Variants in ZNF888 observed in about 807,000 individuals in gnomAD.
The protein encoded by ZNF888 is zinc finger protein 888.
Under a neutral mutation model 7.2 loss-of-function variants are expected in ZNF888, and 5 were observed. That is an observed-to-expected ratio of 0.70 (90% CI 0.36 to 1.46). The LOEUF (loss-of-function observed/expected upper bound fraction) is 1.46, where lower values mean the gene tolerates loss of function less well. Ranked by LOEUF, ZNF888 falls within the 40% of genes most tolerant of loss-of-function variation. ZNF888 has a pLI of 0.03. For synonymous variants in ZNF888, 240 were observed against 284.3 expected, an observed-to-expected ratio of 0.84 and a Z score of 1.57; for missense variants, 716 against 858.0, an observed-to-expected ratio of 0.83 and a Z score of 2.07.
intron 1 of ZNF888, among the ~76,000 whole-genome samples, chr19:52,922,868 G>A (rs767024095): frequency 5.9e-5 from 9 of 152,008 alleles, no homozygotes; most frequent in African/African-American, 9.7e-5. Flanking sequence ...CGGTGACTGC[G>A]GAGGGGAGAC....
rs1284825632 is a variant in ZNF888 at position 52,906,745 on chromosome 19, T to G, written c.1577A>C (p.Glu526Ala). ...HTGEKPYKCN[E>A]CGKTFVQNSS... is the part of the protein sequence containing the mutation. ...ATTTTGAACGAAGGTCTTGCCACACTCATTACACTTGTAAGGTTTCTCTCC... is the reference window on the plus strand; with the variant it reads ...ATTTTGAACGAAGGTCTTGCCACACGCATTACACTTGTAAGGTTTCTCTCC... The change falls in exon 5 of 5, where the codon GAG becomes GCG. Residue 526 changes from glutamate (E) to alanine (A), a missense_variant. By Grantham distance (107) the Glu-to-Ala change is moderately radical (BLOSUM62 -1). Coordinates refer to ENST00000638862, the MANE Select transcript of ZNF888 (RefSeq NM_001393938.1). The G allele has an allele frequency of 6.2e-7, 1 of 1,613,218 alleles. No homozygotes were observed. Among genetic ancestry groups the G allele is most frequent in the Non-Finnish European group, 8.5e-7 (1 of 1,179,392 alleles).
intron 4 of ZNF888, among the ~76,000 whole-genome samples, chr19:52,909,238 A>T (rs978307981): frequency 3.3e-5 from 5 of 151,152 alleles, no homozygotes; most frequent in African/African-American, 9.8e-5. Context: ...TAACTTTTTA[A>T]AAAAAATTTT....
rs1490480987 is a variant in ZNF888 at position 52,905,060 on chromosome 19, G to T, written c.*1105C>A. On this transcript the variant is annotated 3_prime_UTR_variant, in exon 5 of 5. Transcript: ENST00000638862. ...GAAATCTATAAATGTTGATCAAAAT[G>T]ATTAAAAACATACATAGAGATACAA... The T allele has an allele frequency of 6.6e-6, 1 of 152,414 alleles. No individual in the cohort carries two copies. The highest frequency in any genetic ancestry group is 6.5e-5 in the Admixed American group (1 of 15,270). The allele number at this position is 152,414 out of a possible 1,614,324, so 9.4% of individuals were successfully genotyped here. A position where few individuals can be genotyped will look rare whatever the true frequency, so the allele number is the denominator to read the frequency against.
At chr19:52,913,670 T>C in intron 4 of ZNF888, 1 of 951,956 alleles carries the variant, frequency 1.1e-6, no homozygotes, top group Non-Finnish European at 1.2e-6. Flanking sequence ...AAGTTTAAGA[T>C]GTTTAACATA....
chr19:52,911,177 C>T (rs954398977), intron 4 of ZNF888, among the ~76,000 whole-genome samples: 4 of 151,790 alleles, frequency 2.6e-5, no homozygotes, highest in Non-Finnish European at 5.9e-5. Flanking sequence ...TTGCACCTGG[C>T]CCATTTTTGG....
Position 52,906,671 on chromosome 19 carries a change from T to C in ZNF888, c.1651A>G (p.Lys551Glu). 6.2e-7 allele frequency: 1 copy of C among 1,613,860 alleles called. No individual in the cohort carries two copies. Among genetic ancestry groups the C allele is most frequent in the Non-Finnish European group, 8.5e-7 (1 of 1,179,820 alleles). ...AAACTTTTGCCACATTCATTACACT[T>C]GTAACGTTTCTCTCCAGTATGAATG... ...KVIHTGEKRYKCNECGKSFNH... is the reference protein window; with the variant it reads ...KVIHTGEKRYECNECGKSFNH... The change falls in exon 5 of 5, where the codon AAG becomes GAG. Residue 551 changes from lysine to glutamate, a missense_variant. Lys to Glu is a moderately conservative substitution (Grantham distance 56). This residue lies in a region of ZNF888 where 697 missense variants were observed against 803.4 expected (regional missense o/e 0.87). Transcript: ENST00000638862.
chr19:52,911,825 T>A (rs144513571), intron 4 of ZNF888, among the ~76,000 whole-genome samples: 1 of 151,948 alleles, frequency 6.6e-6, no homozygotes, highest in African/African-American at 2.4e-5. Flanking sequence ...TTATTTATTT[T>A]TATTTTTTTA....
intron 4 of ZNF888, among the ~76,000 whole-genome samples, chr19:52,910,654 A>G (rs1290398299): frequency 1.3e-5 from 2 of 152,212 alleles, no homozygotes; most frequent in South Asian, 2.1e-4. Flanking sequence ...TCTTTCCACC[A>G]TGTTAGGACA....
At chr19:52,921,752 A>G in intron 1 of ZNF888, 1 of 531,450 alleles carries the variant, frequency 1.9e-6, no homozygotes, top group African/African-American at 2.1e-5. Flanking sequence ...ACATGGAGGA[A>G]CCCCGTTTCT....
At chr19:52,913,055 C>A (rs1353889623) in intron 4 of ZNF888, among the ~76,000 whole-genome samples, 1 of 152,044 alleles carries the variant, frequency 6.6e-6, no homozygotes. Context: ...TGTAGTGAGC[C>A]AAGATCGCAA....
chr19:52,922,697 G>A (rs1023616881), intron 1 of ZNF888, among the ~76,000 whole-genome samples: 8 of 151,990 alleles, frequency 5.3e-5, no homozygotes, highest in Non-Finnish European at 1.5e-5. Context: ...CCCTCTCTCT[G>A]TCTCCTGATC....
At chr19:52,920,525 AAG>A (rs2064813901) in intron 1 of ZNF888, among the ~76,000 whole-genome samples, 2 of 41,030 alleles carry the variant, frequency 4.9e-5, no homozygotes, top group African/African-American at 9.7e-5. Context: ...AAGAAAAAAA[AAG>A]AAAAGGAAAA....
Position 52,917,893 on chromosome 19 carries a change from C to G in ZNF888, c.-20G>C, listed in dbSNP as rs766672550. On this transcript the variant is annotated 5_prime_UTR_variant, in exon 3 of 5. Coordinates refer to ENST00000638862, the MANE Select transcript of ZNF888 (RefSeq NM_001393938.1). Reference sequence around the variant, plus strand: ...AGCCATCCCTGACTCCTTTGCTTTCCTCTTCCTCTTCTGAGTTTCTTCTTC... The same window carrying G: ...AGCCATCCCTGACTCCTTTGCTTTCGTCTTCCTCTTCTGAGTTTCTTCTTC... 3 of 1,611,820 alleles carry G rather than the reference C, an allele frequency of 1.9e-6. No homozygotes were observed. In the African/African-American group the frequency reaches 4.0e-5, roughly 22 times the overall value.
Position 52,908,084 on chromosome 19 carries a change from G to A in ZNF888, c.238C>T (p.His80Tyr), listed in dbSNP as rs2064633199. 2.5e-6 allele frequency: 4 copies of A among 1,614,138 alleles called. No individual in the cohort carries two copies. The highest frequency in any genetic ancestry group is 3.4e-6 in the Non-Finnish European group (4 of 1,180,028). ...TGTLQRLASH[H>Y]IGECCFQEIE... ...TCCTGGAAGCAACATTCTCCAATGT[G>A]ATGACTTGCCAGTCTTTGCAATGTC... The change falls in exon 5 of 5, where the codon CAC (histidine) becomes TAC (tyrosine). Residue 80 changes from histidine (H) to tyrosine (Y), a missense_variant. Physicochemically the swap from His to Tyr is moderately conservative, Grantham distance 83 (BLOSUM62 2). This residue lies in a region of ZNF888 where 697 missense variants were observed against 803.4 expected (regional missense o/e 0.87). Coordinates refer to ENST00000638862, the MANE Select transcript of ZNF888 (RefSeq NM_001393938.1).
At chr19:52,920,682 A>G (rs2064815812) in intron 1 of ZNF888, among the ~76,000 whole-genome samples, 1 of 65,146 alleles carries the variant, frequency 1.5e-5, no homozygotes, top group South Asian at 4.9e-4. Context: ...GACAAACTCA[A>G]CCAATTGTCA....
chr19:52,916,627 T>TATATATATACAC (rs2064754253), intron 3 of ZNF888, among the ~76,000 whole-genome samples: 1 of 142,142 alleles, frequency 7.0e-6, no homozygotes, highest in African/African-American at 2.8e-5. Flanking sequence ...TATATATATA[T>TATATATATACAC]ATATATATAT....
At chr19:52,912,338 C>A (rs546414722) in intron 4 of ZNF888, among the ~76,000 whole-genome samples, 19 of 150,570 alleles carry the variant, frequency 1.3e-4, no homozygotes, top group Middle Eastern at 3.4e-3. Context: ...TGGCCTCTAT[C>A]TCCTGACCTC....
chr19:52,906,395 A>G lies in ZNF888; in HGVS notation c.1927T>C (p.Phe643Leu). 6.2e-7 allele frequency: 1 copy of G among 1,613,124 alleles called. No individual in the cohort carries two copies. Among genetic ancestry groups the G allele is most frequent in the East Asian group, 2.2e-5 (1 of 44,822 alleles). ...PYKCRVCDKA[F>L]GRDSYLAQHQ... ...TGTGCAAGGTATGAATCACGCCCAA[A>G]AGCCTTGTCGCAAACCCTACATTTG... Residue 643 changes from phenylalanine to leucine, a missense_variant, in exon 5 of 5, where the codon TTT (phenylalanine) becomes CTT (leucine). Phe to Leu is a conservative substitution (Grantham distance 22). This residue lies in a region of ZNF888 where 697 missense variants were observed against 803.4 expected (regional missense o/e 0.87). Transcript: ENST00000638862.
Position 52,906,450 on chromosome 19 carries a change from A to G in ZNF888, c.1872T>C (p.His624=), listed in dbSNP as rs1389405446. Reference sequence around the variant, plus strand: ...GTTTCTCTCCAGTATGAACTCTCCTATGTATTTCAAGGTGTGATTTGATAT... The same window carrying G: ...GTTTCTCTCCAGTATGAACTCTCCTGTGTATTTCAAGGTGTGATTTGATAT... ...VFNIKSHLEI[H]RRVHTGEKPY... is the part of the protein sequence containing the mutation. The change falls in exon 5 of 5, where the codon CAT becomes CAC. Residue 624 remains histidine, a synonymous_variant. Transcript: ENST00000638862. 39 of 1,613,084 alleles carry G rather than the reference A, an allele frequency of 2.4e-5. No homozygotes were observed. Among genetic ancestry groups the G allele is most frequent in the Non-Finnish European group, 3.1e-5 (36 of 1,179,578 alleles).
Sources: gnomAD v4.1 joint callset for allele counts (sites outside exome capture counted in the v4.1 genomes callset) on GRCh38, gnomAD v4.1.1 for gene constraint, gnomAD v4.1.1 regional missense constraint, MANE v1.5 for transcripts, NCBI Gene and HGNC (gene_info 2026-07-23, HGNC 2026-07-21) for gene names.